Variants in AAK1 observed in about 807,000 individuals in gnomAD.
AAK1 encodes AP2 associated kinase 1.
Under a neutral mutation model 116.0 loss-of-function variants are expected in AAK1, and 37 were observed. The observed-to-expected ratio is 0.32, with a 90% confidence interval of 0.25 to 0.42. AAK1 has a LOEUF of 0.42. AAK1 is among the 10% of genes least tolerant of loss of function. The probability of loss-of-function intolerance (pLI) is 1.00; values close to 1 mark genes in which losing one functional copy is unlikely to be tolerated. For synonymous variants in AAK1, 458 were observed against 439.9 expected (o/e 1.04, Z -0.51); for missense variants, 919 against 1,170.6 (o/e 0.79, Z 3.14).
In AAK1 at chr2:69,459,137, C is replaced by T. The variant is rs1279765150; in HGVS notation, c.*16732G>A. The T allele has an allele frequency of 6.6e-6, 1 of 152,194 alleles. No homozygotes were observed. Among genetic ancestry groups the T allele is most frequent in the Non-Finnish European group, 1.5e-5 (1 of 68,050 alleles). 9.4% of individuals were successfully genotyped at this position (152,194 alleles called of 1,614,324 possible). A position where few individuals can be genotyped will look rare whatever the true frequency, so the allele number is the denominator to read the frequency against. On this transcript the variant is annotated 3_prime_UTR_variant, in exon 22 of 22. Coordinates refer to ENST00000409085, the MANE Select transcript of AAK1 (RefSeq NM_014911.5). ...AGAGTCCCTTCACACATAAACTTGA[C>T]CCTGCATTCCGGGAAAAGTACCTCT...
Position 69,474,296 on chromosome 2 carries a change from T to C in AAK1, c.*1573A>G. 1.0e-6 allele frequency: 1 copy of C among 985,898 alleles called. No homozygotes were observed. Among genetic ancestry groups the C allele is most frequent in the Non-Finnish European group, 1.2e-6 (1 of 829,936 alleles). 61.1% of individuals were successfully genotyped at this position (985,898 alleles called of 1,614,324 possible). A position where few individuals can be genotyped will look rare whatever the true frequency, so the allele number is the denominator to read the frequency against. On this transcript the variant is annotated 3_prime_UTR_variant, in exon 22 of 22. Transcript: ENST00000409085. ...TGTACAGATCTGATTAACTAAGAGT[T>C]TCCCTTTTGATGATGGACAATGGCA...
At chr2:69,503,875 T>C (rs1038211197) in intron 16 of AAK1, among the ~76,000 whole-genome samples, 3 of 152,134 alleles carry the variant, frequency 2.0e-5, no homozygotes, top group Admixed American at 6.6e-5. Context: ...GGCACATGCC[T>C]GTGATCCCAG....
chr2:69,575,020 CA>C (rs1553417497), intron 2 of AAK1, among the ~76,000 whole-genome samples: 13,031 of 76,760 alleles, frequency 0.17, 791 homozygotes, highest in Non-Finnish European at 0.23. Context: ...AAAAAGACTA[CA>C]AAAAAAAAAA....
chr2:69,510,358 G>A (rs1676346913), intron 13 of AAK1, among the ~76,000 whole-genome samples: 1 of 152,168 alleles, frequency 6.6e-6, no homozygotes. Flanking sequence ...CTCCAACCAT[G>A]TTCTTGCAAA....
chr2:69,643,194 G>A lies in AAK1; in HGVS notation c.-154C>T, dbSNP rs1053220966. ...CCGGCCGTGGGGGTGGGGGCTGAGG[G>A]AGGATGCCTATAGGAATATGCGTGT... On this transcript the variant is annotated 5_prime_UTR_variant, in exon 2 of 22. Transcript: ENST00000409085. 92 of 1,433,550 alleles carry A rather than the reference G, an allele frequency of 6.4e-5. 3 individuals are homozygous for A. The South Asian group carries it at 8.3e-4, about 13-fold the overall frequency. 88.8% of individuals were successfully genotyped at this position (1,433,550 alleles called of 1,614,324 possible). A position where few individuals can be genotyped will look rare whatever the true frequency, so the allele number is the denominator to read the frequency against.
At chr2:69,513,205 C>T (rs1572910838) in intron 13 of AAK1, among the ~76,000 whole-genome samples, 1 of 152,222 alleles carries the variant, frequency 6.6e-6, no homozygotes, top group South Asian at 2.1e-4. Context: ...TAAACACACA[C>T]TTAGCTAAGA....
chr2:69,641,642 G>C (rs928245379), intron 2 of AAK1, among the ~76,000 whole-genome samples: 6 of 152,140 alleles, frequency 3.9e-5, no homozygotes, highest in African/African-American at 1.4e-4. Flanking sequence ...CACAAGCTGA[G>C]AGCCAAACAC....
intron 13 of AAK1, among the ~76,000 whole-genome samples, chr2:69,511,698 T>C (rs920990655): frequency 6.6e-6 from 1 of 152,212 alleles, no homozygotes; most frequent in Non-Finnish European, 1.5e-5. Context: ...AGGGAAGGGA[T>C]GGTGAAATCT....
chr2:69,475,435 G>T lies in AAK1; in HGVS notation c.*434C>A. The T allele has an allele frequency of 1.0e-6, 1 of 1,001,300 alleles. No homozygotes were observed. Among genetic ancestry groups the T allele is most frequent in the Non-Finnish European group, 1.2e-6 (1 of 838,928 alleles). The allele number at this position is 1,001,300 out of a possible 1,614,324, so 62.0% of individuals were successfully genotyped here. ...CATCAGGATAAAAAGCAAAAACAGGGAAATACATTCATCAGCATCTGGCCA... is the reference window on the plus strand; with the variant it reads ...CATCAGGATAAAAAGCAAAAACAGGTAAATACATTCATCAGCATCTGGCCA... On this transcript the variant is annotated 3_prime_UTR_variant, in exon 22 of 22. Transcript: ENST00000409085.
At position 69,475,833 on chromosome 2, in the gene AAK1, G is replaced by A. The variant is rs1237234858; in HGVS notation, c.*36C>T. ...GTAATGAAAATGTATTTTACGGTAT[G>A]AAGGTTACAGAACTGCATCTGCTAC... On this transcript the variant is annotated 3_prime_UTR_variant, in exon 22 of 22. Transcript: ENST00000409085. The A allele has an allele frequency of 1.3e-6, 2 of 1,587,436 alleles. No homozygotes were observed. The highest frequency in any genetic ancestry group is 1.3e-5 in the African/African-American group (1 of 74,236).
intron 2 of AAK1, among the ~76,000 whole-genome samples, chr2:69,565,876 A>G (rs1013591773): frequency 6.6e-6 from 1 of 150,986 alleles, no homozygotes; most frequent in African/African-American, 2.4e-5. Flanking sequence ...GCTTGCGTAC[A>G]CTATGCAGGT....
intron 9 of AAK1, 40 bp downstream of exon 9, chr2:69,527,176 T>C: frequency 6.9e-7 from 1 of 1,452,614 alleles, no homozygotes; most frequent in Non-Finnish European, 9.5e-7. Flanking sequence ...AATGGCAATT[T>C]GATAATGTTT....
At position 69,475,104 on chromosome 2, in the gene AAK1, TA is replaced by T; in HGVS notation, c.*764del. ...GGAATGGCAATACTTGGGATTTATA[TA>T]ACGTACACATTGTATCCAAGGATCT... On this transcript the variant is annotated 3_prime_UTR_variant, in exon 22 of 22. Transcript: ENST00000409085. 1.0e-6 allele frequency: 1 copy of T among 985,806 alleles called. No individual in the cohort carries two copies. Among genetic ancestry groups the T allele is most frequent in the Non-Finnish European group, 1.2e-6 (1 of 829,910 alleles). 61.1% of individuals were successfully genotyped at this position (985,806 alleles called of 1,614,324 possible).
chr2:69,617,037 C>A (rs998104821), intron 2 of AAK1, among the ~76,000 whole-genome samples: 1 of 152,104 alleles, frequency 6.6e-6, no homozygotes, highest in Non-Finnish European at 1.5e-5. Context: ...TCCACTAGCA[C>A]CTACAAGATA....
intron 2 of AAK1, among the ~76,000 whole-genome samples, chr2:69,557,538 C>T (rs1007227656): frequency 1.3e-5 from 2 of 151,878 alleles, no homozygotes; most frequent in African/African-American, 4.8e-5. Flanking sequence ...CCTGGGCTCC[C>T]ACCTTGGCCT....
Position 69,472,179 on chromosome 2 carries a change from C to T in AAK1, c.*3690G>A, listed in dbSNP as rs550364568. 21 of 982,876 alleles carry T rather than the reference C, an allele frequency of 2.1e-5. No homozygotes were observed. In the South Asian group the frequency reaches 8.5e-4, roughly 40 times the overall value. The allele number at this position is 982,876 out of a possible 1,614,324, so 60.9% of individuals were successfully genotyped here. ...CATGTTCACTTTCTATTATAAGGTC[C>T]TCTCTGAGAATTTTTTGTGGATTAT... On this transcript the variant is annotated 3_prime_UTR_variant, in exon 22 of 22. Coordinates refer to ENST00000409085, the MANE Select transcript of AAK1 (RefSeq NM_014911.5).
At position 69,472,079 on chromosome 2, in the gene AAK1, G is replaced by A. The variant is rs1674701110; in HGVS notation, c.*3790C>T. 1 of 984,768 alleles carries A rather than the reference G, an allele frequency of 1.0e-6. No homozygotes were observed. The highest frequency in any genetic ancestry group is 6.1e-5 in the Admixed American group (1 of 16,266). The allele number at this position is 984,768 out of a possible 1,614,324, so 61.0% of individuals were successfully genotyped here. ...TGTTTTAATACCCATATCTTTCAAT[G>A]TTTTAAACCATTCTAAAGACTAAGG... On this transcript the variant is annotated 3_prime_UTR_variant, in exon 22 of 22. Coordinates refer to ENST00000409085, the MANE Select transcript of AAK1 (RefSeq NM_014911.5).
At chr2:69,497,500 C>A (rs1675797514) in intron 16 of AAK1, among the ~76,000 whole-genome samples, 1 of 151,798 alleles carries the variant, frequency 6.6e-6, no homozygotes, top group African/African-American at 2.4e-5. Flanking sequence ...CGGGGTTTTA[C>A]CATGTTGGCC....
intron 2 of AAK1, among the ~76,000 whole-genome samples, chr2:69,631,764 G>A (rs1354046466): frequency 6.6e-6 from 1 of 152,172 alleles, no homozygotes; most frequent in East Asian, 1.9e-4. Flanking sequence ...TGGATTGCTT[G>A]GGCCCAGGGG....
Sources: allele counts gnomAD v4.1 joint callset (sites outside exome capture counted in the v4.1 genomes callset), GRCh38; gene constraint gnomAD v4.1.1; transcripts MANE v1.5; gene names NCBI Gene and HGNC (gene_info 2026-07-23, HGNC 2026-07-21).